Variants in ZNF521 observed in about 807,000 individuals in gnomAD.
ZNF521 encodes zinc finger protein 521, also known as LYST-interacting protein 3.
In ZNF521, 14 loss-of-function variants were observed where a neutral mutation model predicts 105.5. That is an observed-to-expected ratio of 0.13 (90% CI 0.09 to 0.21). The LOEUF (loss-of-function observed/expected upper bound fraction) is 0.21. Among genes scored for constraint, ZNF521 ranks in the 10% least tolerant of loss-of-function variants. The pLI is 1.00. For synonymous variants in ZNF521, 635 were observed against 606.0 expected (o/e 1.05, Z -0.70); for missense variants, 1,233 against 1,629.7 (o/e 0.76, Z 4.19).
chr18:25,209,050 G>A lies in ZNF521; in HGVS notation c.3574-13806C>T, dbSNP rs142719152. Among the ~76,000 whole-genome samples, 455 of 152,218 alleles carry A rather than the reference G, an allele frequency of 3.0e-3. 5 individuals are homozygous for A. Among genetic ancestry groups the A allele is most frequent in the East Asian group, 0.026 (134 of 5,182 alleles). ...CAAGTTAGATTTAACGATGCCACTC[G>A]ACTTCTAAATCATGGCGTATCTTTG... On this transcript the variant is annotated intron_variant, in intron 4 of 7. Transcript: ENST00000361524.
At chr18:25,124,877 C>A (rs1175756878) in intron 5 of ZNF521, among the ~76,000 whole-genome samples, 1 of 152,150 alleles carries the variant, frequency 6.6e-6, no homozygotes. Flanking sequence ...ATGTTTTGAG[C>A]TATATAAATC....
intron 3 of ZNF521, among the ~76,000 whole-genome samples, chr18:25,236,535 CA>C (rs34602145): frequency 0.43 from 52,744 of 122,084 alleles, 10,517 homozygotes; most frequent in African/African-American, 0.62. Context: ...GACTCCATCT[CA>C]AAAAAAAAAA....
At chr18:25,351,952 G>A (rs1271861424) in intron 1 of ZNF521, 53 bp downstream of exon 1, 7 of 329,674 alleles carry the variant, frequency 2.1e-5, no homozygotes, top group African/African-American at 6.6e-5. Flanking sequence ...GAGGAGAGCC[G>A]GGAGCAGGAG....
At chr18:25,174,754 T>C (rs2035507017) in intron 5 of ZNF521, among the ~76,000 whole-genome samples, 2 of 152,172 alleles carry the variant, frequency 1.3e-5, no homozygotes, top group African/African-American at 4.8e-5. Context: ...AAACAACATC[T>C]TTCACTGCTC....
At chr18:25,178,524 T>A (rs2035572663) in intron 5 of ZNF521, among the ~76,000 whole-genome samples, 1 of 152,202 alleles carries the variant, frequency 6.6e-6, no homozygotes, top group Non-Finnish European at 1.5e-5. Flanking sequence ...CTCAGGACGA[T>A]TTACCCTGAA....
At chr18:25,171,261 T>C (rs2035444387) in intron 5 of ZNF521, among the ~76,000 whole-genome samples, 1 of 152,170 alleles carries the variant, frequency 6.6e-6, no homozygotes. Flanking sequence ...TTGCTCTCAA[T>C]AGCAGTTAAG....
intron 7 of ZNF521, among the ~76,000 whole-genome samples, chr18:25,078,919 A>G (rs2033427735): frequency 6.6e-6 from 1 of 152,198 alleles, no homozygotes. Context: ...GATAGGACAG[A>G]GTGGGAACAA....
intron 5 of ZNF521, among the ~76,000 whole-genome samples, chr18:25,096,368 T>G (rs574170696): frequency 6.6e-6 from 1 of 152,178 alleles, no homozygotes; most frequent in Non-Finnish European, 1.5e-5. Flanking sequence ...TTATAAAACC[T>G]GGACCTACAT....
Position 25,224,922 on chromosome 18 carries a change from C to T in ZNF521, c.2996G>A (p.Ser999Asn), listed in dbSNP as rs115805119. ...GCAATGCTCTAAAAACTCCTCTTCA[C>T]TCTGGAGAGGCATCTTGCAAATCCG... is the stretch of plus-strand genomic sequence containing the variant. ...NCRICKMPLQ[S>N]EEEFLEHCQM... Residue 999 changes from serine (S) to asparagine (N), a missense_variant, in exon 4 of 8, where the codon AGT (serine) becomes AAT (asparagine). Ser to Asn is a conservative substitution (Grantham distance 46). Transcript: ENST00000361524. The T allele has an allele frequency of 1.1e-5, 17 of 1,614,018 alleles. 1 individual carries two copies. In the East Asian group the frequency reaches 3.6e-4, roughly 34 times the overall value.
At chr18:25,176,495 G>C (rs1158022185) in intron 5 of ZNF521, among the ~76,000 whole-genome samples, 3 of 152,164 alleles carry the variant, frequency 2.0e-5, no homozygotes, top group African/African-American at 4.8e-5. Context: ...CTCCCTTGAT[G>C]CCAGGCATTC....
intron 4 of ZNF521, among the ~76,000 whole-genome samples, chr18:25,205,141 T>TTAAA (rs36016652): frequency 1.3e-5 from 1 of 74,934 alleles, no homozygotes; most frequent in Non-Finnish European, 2.3e-5. Flanking sequence ...GTAGTGAAGG[T>TTAAA]AAAAAAAAAA....
At chr18:25,129,255 T>C (rs915359321) in intron 5 of ZNF521, among the ~76,000 whole-genome samples, 1 of 75,796 alleles carries the variant, frequency 1.3e-5, no homozygotes, top group Non-Finnish European at 3.6e-5. Flanking sequence ...GGAATAATAA[T>C]AATAATAATA....
chr18:25,312,208 T>C (rs1912346650), intron 3 of ZNF521, among the ~76,000 whole-genome samples: 1 of 152,142 alleles, frequency 6.6e-6, no homozygotes, highest in South Asian at 2.1e-4. Flanking sequence ...ATGTAATAGA[T>C]CATCACTTAT....
intron 2 of ZNF521, among the ~76,000 whole-genome samples, chr18:25,330,284 C>T (rs1323025630): frequency 1.3e-5 from 2 of 152,162 alleles, no homozygotes; most frequent in African/African-American, 4.8e-5. Flanking sequence ...CTGCCTCAGC[C>T]TCTCAAGTAG....
At chr18:25,235,873 T>C (rs527576416) in intron 3 of ZNF521, among the ~76,000 whole-genome samples, 54 of 152,304 alleles carry the variant, frequency 3.5e-4, no homozygotes, top group Middle Eastern at 3.4e-3. Flanking sequence ...AGTAAAGTGA[T>C]AAATATGGTT....
At chr18:25,129,566 A>G (rs956931383) in intron 5 of ZNF521, among the ~76,000 whole-genome samples, 25 of 152,050 alleles carry the variant, frequency 1.6e-4, no homozygotes, top group African/African-American at 5.8e-4. Context: ...ATGAGAGAAT[A>G]TATTTGCAAA....
intron 5 of ZNF521, among the ~76,000 whole-genome samples, chr18:25,143,987 C>G (rs1430779612): frequency 1.3e-5 from 2 of 152,302 alleles, no homozygotes; most frequent in Admixed American, 1.3e-4. Flanking sequence ...CCATAGACCT[C>G]TCTGTCTCTC....
intron 3 of ZNF521, among the ~76,000 whole-genome samples, chr18:25,292,521 C>T (rs1765673342): frequency 2.0e-5 from 3 of 151,978 alleles, no homozygotes; most frequent in Non-Finnish European, 4.4e-5. Context: ...CTTTTGTGTC[C>T]CTGACATGAC....
chr18:25,327,339 A>G, intron 2 of ZNF521: 1 of 772,064 alleles, frequency 1.3e-6, no homozygotes, highest in Non-Finnish European at 1.6e-6. Flanking sequence ...CAGGTTAACA[A>G]CCATCTTGTA....
Sources: allele counts gnomAD v4.1 joint callset (sites outside exome capture counted in the v4.1 genomes callset), GRCh38; gene constraint gnomAD v4.1.1; transcripts MANE v1.5; gene names NCBI Gene and HGNC (gene_info 2026-07-23, HGNC 2026-07-21).